DHX35: variants seen among roughly 807,000 people sequenced by gnomAD.
DHX35 encodes the protein probable ATP-dependent RNA helicase DHX35.
DHX35 carries 84 observed loss-of-function variants against 99.6 expected under a neutral mutation model. That is an observed-to-expected ratio of 0.84 (90% CI 0.71 to 1.01). The LOEUF (loss-of-function observed/expected upper bound fraction) is 1.01, where lower values mean the gene tolerates loss of function less well. Among genes scored for constraint, DHX35 ranks in the 50% least tolerant of loss-of-function variants. The probability of loss-of-function intolerance (pLI) is 0.00; values close to 1 mark genes in which losing one functional copy is unlikely to be tolerated. For synonymous variants in DHX35, 331 were observed against 316.2 expected (o/e 1.05, Z -0.50); for missense variants, 852 against 888.5 (o/e 0.96, Z 0.52).
intron 11 of DHX35, 133 bp from the exon 12 acceptor site, chr20:39,006,013 C>A: frequency 9.7e-7 from 1 of 1,033,970 alleles, no homozygotes; most frequent in South Asian, 1.5e-5. Context: ...AACTCACAGT[C>A]TTTCTAGTAT....
chr20:38,972,416 T>C, intron 2 of DHX35, 143 bp from the exon 3 acceptor site: 1 of 611,596 alleles, frequency 1.6e-6, no homozygotes, highest in Non-Finnish European at 2.9e-6. Context: ...GAACAGTACC[T>C]GAGGGTTAGA....
intron 17 of DHX35, among the ~76,000 whole-genome samples, chr20:39,024,120 A>T (rs1471899509): frequency 6.6e-6 from 1 of 152,234 alleles, no homozygotes; most frequent in African/African-American, 2.4e-5. Flanking sequence ...TGCCAGGTGA[A>T]TGAGGCTGAG....
chr20:38,978,981 TG>T (rs1454787819), intron 3 of DHX35, among the ~76,000 whole-genome samples: 2 of 152,228 alleles, frequency 1.3e-5, no homozygotes, highest in Non-Finnish European at 2.9e-5. Context: ...TTGGTGCTTT[TG>T]TTGAAAATCA....
intron 8 of DHX35, among the ~76,000 whole-genome samples, chr20:38,998,045 A>T (rs1004632506): frequency 2.6e-5 from 4 of 152,220 alleles, no homozygotes; most frequent in African/African-American, 9.6e-5. Context: ...TGCAGCCGGG[A>T]GGCAGAGACC....
At chr20:38,979,461 G>A (rs1031621547) in intron 3 of DHX35, among the ~76,000 whole-genome samples, 13 of 152,154 alleles carry the variant, frequency 8.5e-5, no homozygotes, top group African/African-American at 3.1e-4. Context: ...AAAGAACAAA[G>A]GAATAAATGG....
At chr20:38,964,436 C>CTT (rs1193973308) in intron 1 of DHX35, among the ~76,000 whole-genome samples, 1 of 144,952 alleles carries the variant, frequency 6.9e-6, no homozygotes, top group African/African-American at 2.5e-5. Flanking sequence ...TGTTTTCTTT[C>CTT]TTTTTTTTTT....
intron 7 of DHX35, among the ~76,000 whole-genome samples, 190 bp from the exon 8 acceptor site, chr20:38,994,631 A>ATTC (rs1568731897): frequency 1.3e-5 from 1 of 74,400 alleles, no homozygotes; most frequent in Non-Finnish European, 2.8e-5. Flanking sequence ...TAGTGTAATG[A>ATTC]CCCCCCCCCC....
At chr20:38,993,434 A>G (rs2145877998) in intron 7 of DHX35, among the ~76,000 whole-genome samples, 1 of 152,216 alleles carries the variant, frequency 6.6e-6, no homozygotes, top group South Asian at 2.1e-4. Context: ...ATCTTGGCTC[A>G]CCGCAACCTC....
At chr20:39,031,600 G>GC (rs1322848749) in intron 20 of DHX35, among the ~76,000 whole-genome samples, 1 of 152,148 alleles carries the variant, frequency 6.6e-6, no homozygotes, top group Admixed American at 6.5e-5. Context: ...GCCTCCCAAA[G>GC]CTCTGGGATT....
chr20:39,015,388 G>A (rs1265402252), intron 14 of DHX35, among the ~76,000 whole-genome samples: 1 of 152,100 alleles, frequency 6.6e-6, no homozygotes, highest in African/African-American at 2.4e-5. Flanking sequence ...CCATGTTACG[G>A]GGGAACTTCT....
chr20:38,972,428 A>G (rs761986928), intron 2 of DHX35, 131 bp from the exon 3 acceptor site: 13 of 632,992 alleles, frequency 2.1e-5, no homozygotes, highest in Non-Finnish European at 3.3e-5. Context: ...AGGGTTAGAA[A>G]TACATTTTGA....
At chr20:39,018,558 C>G (rs1008508833) in intron 14 of DHX35, among the ~76,000 whole-genome samples, 7 of 151,794 alleles carry the variant, frequency 4.6e-5, no homozygotes, top group African/African-American at 1.7e-4. Flanking sequence ...TAATTAAGTC[C>G]TTGAATAGAA....
At chr20:38,988,666 GCTTGTTCTCTAATAA>G (rs1390177401) in intron 4 of DHX35, 132 bp from the exon 5 acceptor site, 54 of 1,131,604 alleles carry the variant, frequency 4.8e-5, no homozygotes, top group Non-Finnish European at 6.5e-5. Context: ...AAGTTATTAT[GCTTGTTCTCTAATAA>G]CTTGTCTCTT....
chr20:39,029,791 C>T (rs932832066), intron 19 of DHX35: 1 of 152,094 alleles, frequency 6.6e-6, no homozygotes, highest in Admixed American at 6.5e-5. Flanking sequence ...TCCTTTGAGA[C>T]AACATTTAGT....
intron 3 of DHX35, among the ~76,000 whole-genome samples, chr20:38,982,217 A>C (rs1311792977): frequency 6.6e-6 from 1 of 152,186 alleles, no homozygotes; most frequent in African/African-American, 2.4e-5. Context: ...TGAGAAGCTT[A>C]GTCCTTATCA....
At position 38,992,801 on chromosome 20, in the gene DHX35, A is replaced by G. The variant is rs574385136; in HGVS notation, c.582+376A>G. ...ATGGCTATTTAATCACATCTCTATC[A>G]TAAAGTATTTAACTTCCCCTACTGT... On this transcript the variant is annotated intron_variant, in intron 7 of 21. Transcript: ENST00000252011. 5.3e-5 allele frequency among the ~76,000 whole-genome samples: 8 copies of G among 152,300 alleles called. No homozygotes were observed. In the East Asian group the frequency reaches 1.5e-3, roughly 29 times the overall value.
chr20:39,012,502 T>G (rs1035581850), intron 13 of DHX35, among the ~76,000 whole-genome samples: 1 of 152,112 alleles, frequency 6.6e-6, no homozygotes, highest in African/African-American at 2.4e-5. Context: ...GACTGCACGT[T>G]GATATAGCTA....
At chr20:38,974,396 A>G (rs569138047) in intron 3 of DHX35, among the ~76,000 whole-genome samples, 30 of 152,324 alleles carry the variant, frequency 2.0e-4, no homozygotes, top group African/African-American at 6.7e-4. Context: ...TTTTGCACCA[A>G]TCTAATAGAT....
chr20:39,003,246 A>T (rs1013391362), intron 10 of DHX35, among the ~76,000 whole-genome samples: 1 of 152,144 alleles, frequency 6.6e-6, no homozygotes, highest in African/African-American at 2.4e-5. Context: ...CCTGGAGGTG[A>T]TAAGTGGCCA....
Sources: gnomAD v4.1 joint callset for allele counts (sites outside exome capture counted in the v4.1 genomes callset) on GRCh38, gnomAD v4.1.1 for gene constraint, MANE v1.5 for transcripts, NCBI Gene and HGNC (gene_info 2026-07-23, HGNC 2026-07-21) for gene names.